Variants in ROBO2 observed in about 807,000 individuals in gnomAD.
ROBO2 encodes roundabout guidance receptor 2, also known as roundabout homolog 2.
A neutral mutation model predicts 160.8 loss-of-function variants in ROBO2; 53 were observed. The ratio of observed to expected loss-of-function variants is 0.33; its 90% CI spans 0.26 to 0.41. The LOEUF is 0.41. ROBO2 is among the 10% of genes least tolerant of loss of function. ROBO2 has a pLI of 1.00. For synonymous variants in ROBO2, 664 were observed against 611.7 expected (o/e 1.09, Z -1.26); for missense variants, 1,577 against 1,722.4 (o/e 0.92, Z 1.49).
intron 2 of ROBO2, among the ~76,000 whole-genome samples, chr3:76,606,327 G>A (rs942742838): frequency 3.9e-5 from 6 of 152,176 alleles, no homozygotes; most frequent in South Asian, 2.1e-4. Context: ...CAAGCACTAC[G>A]ATCAAACCAG....
chr3:77,046,980 G>A (rs2064737491), intron 1 of ROBO2, among the ~76,000 whole-genome samples: 1 of 152,176 alleles, frequency 6.6e-6, no homozygotes, highest in African/African-American at 2.4e-5. Context: ...GGTGTACACA[G>A]TATAGTCTTG....
intron 2 of ROBO2, among the ~76,000 whole-genome samples, chr3:76,258,339 A>G (rs1706534384): frequency 6.6e-6 from 1 of 152,006 alleles, no homozygotes; most frequent in Admixed American, 6.6e-5. Flanking sequence ...ATACATTTTT[A>G]TCCAACTTTA....
chr3:77,515,113 A>G (rs2089866226), intron 5 of ROBO2, among the ~76,000 whole-genome samples: 1 of 151,762 alleles, frequency 6.6e-6, no homozygotes, highest in Non-Finnish European at 1.5e-5. Flanking sequence ...AATAGTCTTT[A>G]TATTTCTTAA....
intron 2 of ROBO2, among the ~76,000 whole-genome samples, chr3:77,432,926 C>T (rs1050082388): frequency 7.9e-5 from 12 of 152,188 alleles, no homozygotes; most frequent in Admixed American, 3.9e-4. Flanking sequence ...AGGACTCTCA[C>T]AGGACATAGT....
chr3:76,673,261 G>A (rs1296885635), intron 2 of ROBO2, among the ~76,000 whole-genome samples: 4 of 152,100 alleles, frequency 2.6e-5, no homozygotes, highest in East Asian at 3.9e-4. Flanking sequence ...AAAGTCTTAT[G>A]GGCTCTGCTT....
intron 16 of ROBO2, among the ~76,000 whole-genome samples, chr3:77,582,088 A>AT (rs766842444): frequency 1.2e-4 from 18 of 152,044 alleles, no homozygotes; most frequent in Non-Finnish European, 2.5e-4. Flanking sequence ...ATGGATTGTC[A>AT]TTTTTTCATT....
In ROBO2 at chr3:76,527,370, G is replaced by C. The variant is rs539818114; in HGVS notation, c.110-570644G>C. Among the ~76,000 whole-genome samples the C allele has an allele frequency of 8.5e-5, 13 of 152,148 alleles. No individual in the cohort carries two copies. In the South Asian group the frequency reaches 2.5e-3, roughly 29 times the overall value. On this transcript the variant is annotated intron_variant, in intron 2 of 26. Transcript: ENST00000487694. ...ATCTTAATTTTTATCTGAAGATGAG[G>C]CCATTGACATTTTTCAAGTACAAGA...
chr3:76,760,454 C>A (rs555478311), intron 2 of ROBO2, among the ~76,000 whole-genome samples: 2 of 151,732 alleles, frequency 1.3e-5, no homozygotes, highest in South Asian at 4.2e-4. Context: ...AAGAACACTT[C>A]TTCTATAGCC....
chr3:76,118,899 G>A (rs1319052299), intron 2 of ROBO2, among the ~76,000 whole-genome samples: 3 of 152,124 alleles, frequency 2.0e-5, no homozygotes, highest in African/African-American at 7.2e-5. Flanking sequence ...TTTCTGTGCT[G>A]TTGAAGAATG....
At chr3:76,257,895 T>C (rs1203325360) in intron 2 of ROBO2, among the ~76,000 whole-genome samples, 1 of 152,126 alleles carries the variant, frequency 6.6e-6, no homozygotes, top group Non-Finnish European at 1.5e-5. Flanking sequence ...TTGAAAGAAA[T>C]TTTTCATTTT....
At chr3:77,545,469 G>T (rs771878999) in intron 6 of ROBO2, among the ~76,000 whole-genome samples, 6 of 152,014 alleles carry the variant, frequency 3.9e-5, no homozygotes, top group African/African-American at 1.4e-4. Context: ...ATTGTGTTTC[G>T]TATATATACA....
chr3:76,749,902 A>G (rs2093953475), intron 2 of ROBO2, among the ~76,000 whole-genome samples: 1 of 152,090 alleles, frequency 6.6e-6, no homozygotes, highest in Non-Finnish European at 1.5e-5. Context: ...TTCTGCAACT[A>G]TTCCAATCGA....
At chr3:76,605,222 T>C (rs1479408631) in intron 2 of ROBO2, among the ~76,000 whole-genome samples, 1 of 152,176 alleles carries the variant, frequency 6.6e-6, no homozygotes, top group Non-Finnish European at 1.5e-5. Flanking sequence ...TAAAACTGCT[T>C]TATTTTTATC....
intron 2 of ROBO2, among the ~76,000 whole-genome samples, chr3:76,261,709 G>GA (rs1706779409): frequency 6.6e-6 from 1 of 151,938 alleles, no homozygotes; most frequent in Admixed American, 6.6e-5. Context: ...CCTCATCGTA[G>GA]AAAAAATACT....
intron 1 of ROBO2, among the ~76,000 whole-genome samples, chr3:77,075,933 C>T (rs2067950904): frequency 6.6e-6 from 1 of 151,958 alleles, no homozygotes; most frequent in Non-Finnish European, 1.5e-5. Flanking sequence ...CTGCCTCGGC[C>T]TCCCAAAGTG....
intron 2 of ROBO2, among the ~76,000 whole-genome samples, chr3:77,425,140 T>C (rs1412025547): frequency 1.3e-5 from 2 of 151,882 alleles, no homozygotes; most frequent in Non-Finnish European, 2.9e-5. Flanking sequence ...GAATCATCTG[T>C]TGAGTTCTCA....
chr3:75,996,763 ATCAATTCTGATATATGTAAATC>A (rs2065738629), intron 2 of ROBO2, among the ~76,000 whole-genome samples: 1 of 82,972 alleles, frequency 1.2e-5, no homozygotes, highest in Non-Finnish European at 3.1e-5. Flanking sequence ...TATGTAAATC[ATCAATTCTGATATATGTAAATC>A]ATCAATTCTG....
chr3:75,918,570 G>A (rs1351751735), intron 1 of ROBO2, among the ~76,000 whole-genome samples: 1 of 152,110 alleles, frequency 6.6e-6, no homozygotes, highest in Non-Finnish European at 1.5e-5. Flanking sequence ...GTTCTGTGAA[G>A]AAAGTCAATG....
chr3:77,400,049 G>C (rs1170756415), intron 2 of ROBO2, among the ~76,000 whole-genome samples: 2 of 152,114 alleles, frequency 1.3e-5, no homozygotes, highest in Non-Finnish European at 2.9e-5. Flanking sequence ...GAGAGGAAAT[G>C]GATGAGGAGG....
Sources: allele counts gnomAD v4.1 joint callset (sites outside exome capture counted in the v4.1 genomes callset), GRCh38; gene constraint gnomAD v4.1.1; transcripts MANE v1.5; gene names NCBI Gene and HGNC (gene_info 2026-07-23, HGNC 2026-07-21).